Variants in JMJD1C observed in about 807,000 individuals in gnomAD.
The protein encoded by JMJD1C is jumonji domain-containing protein 1C.
A neutral mutation model predicts 245.3 loss-of-function variants in JMJD1C; 31 were observed. The ratio of observed to expected loss-of-function variants is 0.13; its 90% CI spans 0.09 to 0.17. The LOEUF is 0.17. Among genes scored for constraint, JMJD1C ranks in the 10% least tolerant of loss-of-function variants. The pLI is 1.00. For missense variants in JMJD1C, 2,691 were observed against 3,000.2 expected (o/e 0.90, Z 2.41); for synonymous variants, 1,057 against 1,017.4 (o/e 1.04, Z -0.74).
chr10:63,284,505 G>GC (rs1857749886), intron 2 of JMJD1C, among the ~76,000 whole-genome samples: 1 of 152,162 alleles, frequency 6.6e-6, no homozygotes. Context: ...TCAACCAGCA[G>GC]CATCTGCAGA....
chr10:63,460,836 A>G (rs575077279), intron 1 of JMJD1C, among the ~76,000 whole-genome samples: 2 of 152,344 alleles, frequency 1.3e-5, no homozygotes, highest in African/African-American at 2.4e-5. Flanking sequence ...TACAAAGACG[A>G]TAAGGTTTCA....
intron 3 of JMJD1C, among the ~76,000 whole-genome samples, chr10:63,251,442 T>A (rs1435344418): frequency 2.6e-5 from 4 of 152,238 alleles, no homozygotes; most frequent in African/African-American, 9.6e-5. Context: ...TGTGAAAGAT[T>A]CCTCATTTAT....
chr10:63,185,807 T>C (rs757910065), intron 19 of JMJD1C, among the ~76,000 whole-genome samples, 154 bp from the exon 20 acceptor site: 4 of 152,378 alleles, frequency 2.6e-5, no homozygotes, highest in Middle Eastern at 3.4e-3. Flanking sequence ...TATGTACTTA[T>C]GTAGTATTAA....
rs548932398 is a variant in JMJD1C, at chr10:63,181,739, A to G, written c.7084+1708T>C. Among the ~76,000 whole-genome samples, 35 of 152,356 alleles carry G rather than the reference A, an allele frequency of 2.3e-4. No individual in the cohort carries two copies. In the East Asian group the frequency reaches 6.4e-3, roughly 28 times the overall value. On this transcript the variant is annotated intron_variant, in intron 22 of 25. Coordinates refer to ENST00000399262, the MANE Select transcript of JMJD1C (RefSeq NM_032776.3). ...GAAGAAAGTTCTAGCTTTTAAGGAC[A>G]TGAATGAATAGTAATGGAGGAAAGC...
At chr10:63,292,444 C>T (rs1422462493) in intron 2 of JMJD1C, among the ~76,000 whole-genome samples, 1 of 151,154 alleles carries the variant, frequency 6.6e-6, no homozygotes, top group African/African-American at 2.4e-5. Context: ...AACCCCGTCT[C>T]TAGTAAAAAT....
chr10:63,355,950 A>T (rs770329514), intron 2 of JMJD1C, among the ~76,000 whole-genome samples: 3 of 152,208 alleles, frequency 2.0e-5, no homozygotes, highest in Non-Finnish European at 4.4e-5. Flanking sequence ...TCTAAAATAA[A>T]TTCATCTTGT....
chr10:63,233,263 CACT>C (rs1324606518), intron 3 of JMJD1C, among the ~76,000 whole-genome samples: 1 of 152,060 alleles, frequency 6.6e-6, no homozygotes, highest in African/African-American at 2.4e-5. Context: ...AACTGAGCAC[CACT>C]GTTTTCAAAC....
At chr10:63,473,688 A>C (rs1395140930) in intron 1 of JMJD1C, among the ~76,000 whole-genome samples, 1 of 152,194 alleles carries the variant, frequency 6.6e-6, no homozygotes, top group African/African-American at 2.4e-5. Context: ...TACTTAAATC[A>C]TTTATGTATA....
intron 1 of JMJD1C, among the ~76,000 whole-genome samples, chr10:63,392,865 TAA>T (rs1491547210): frequency 4.6e-4 from 12 of 26,312 alleles, no homozygotes; most frequent in South Asian, 2.2e-3. Flanking sequence ...AAAAAGTACA[TAA>T]ACACACACAC....
intron 14 of JMJD1C, 128 bp from the exon 15 acceptor site, chr10:63,193,600 T>C: frequency 1.8e-6 from 1 of 558,618 alleles, no homozygotes; most frequent in Non-Finnish European, 3.0e-6. Flanking sequence ...TTAAATTTCT[T>C]CCATTTTTCT....
At chr10:63,277,680 C>T (rs568192877) in intron 2 of JMJD1C, among the ~76,000 whole-genome samples, 1 of 141,140 alleles carries the variant, frequency 7.1e-6, no homozygotes, top group African/African-American at 2.6e-5. Context: ...TTTTAAAAAA[C>T]AAATTGACCA....
At chr10:63,187,143 C>T (rs866740117) in intron 18 of JMJD1C, among the ~76,000 whole-genome samples, 2 of 151,644 alleles carry the variant, frequency 1.3e-5, no homozygotes, top group Admixed American at 6.6e-5. Flanking sequence ...TTACAAAAGA[C>T]ATCTTTAAAA....
At chr10:63,197,275 TA>T in intron 13 of JMJD1C, 135 bp downstream of exon 13, 1 of 740,046 alleles carries the variant, frequency 1.4e-6, no homozygotes, top group Non-Finnish European at 2.1e-6. Flanking sequence ...CTTCTCCTCT[TA>T]AAAACAAACT....
chr10:63,427,835 A>G (rs1301825436), intron 1 of JMJD1C: 2 of 1,034,052 alleles, frequency 1.9e-6, no homozygotes, highest in African/African-American at 1.6e-5. Flanking sequence ...ACACTTGTTG[A>G]GACAGCCAAG....
At chr10:63,254,858 C>CT (rs1853635241) in intron 3 of JMJD1C, among the ~76,000 whole-genome samples, 1 of 148,792 alleles carries the variant, frequency 6.7e-6, no homozygotes, top group African/African-American at 2.5e-5. Context: ...TAGCTCCCCC[C>CT]CTTTTTTTTT....
At chr10:63,258,893 T>TAG (rs1313546892) in intron 3 of JMJD1C, among the ~76,000 whole-genome samples, 1 of 152,188 alleles carries the variant, frequency 6.6e-6, no homozygotes, top group Non-Finnish European at 1.5e-5. Context: ...AAAGTAATGC[T>TAG]AGAGCAGTGA....
intron 2 of JMJD1C, among the ~76,000 whole-genome samples, chr10:63,373,309 C>T (rs1054683625): frequency 6.6e-6 from 1 of 152,078 alleles, no homozygotes; most frequent in African/African-American, 2.4e-5. Flanking sequence ...CTACTGATAT[C>T]CTAGAAAGAA....
At chr10:63,459,942 C>T (rs1309938377) in intron 1 of JMJD1C, among the ~76,000 whole-genome samples, 1 of 152,148 alleles carries the variant, frequency 6.6e-6, no homozygotes, top group African/African-American at 2.4e-5. Context: ...ATACTATTAA[C>T]CTCTCTATGT....
intron 1 of JMJD1C, among the ~76,000 whole-genome samples, chr10:63,474,596 A>G (rs1159977323): frequency 2.0e-5 from 3 of 152,052 alleles, no homozygotes; most frequent in Non-Finnish European, 4.4e-5. Context: ...GACCACCGGC[A>G]TGTACCACCA....
Sources: allele counts gnomAD v4.1 joint callset (sites outside exome capture counted in the v4.1 genomes callset), GRCh38; gene constraint gnomAD v4.1.1; transcripts MANE v1.5; gene names NCBI Gene and HGNC (gene_info 2026-07-23, HGNC 2026-07-21).